Variants in CFAP43 observed in about 807,000 individuals in gnomAD.
The protein encoded by CFAP43 is cilia- and flagella-associated protein 43.
A neutral mutation model predicts 218.9 loss-of-function variants in CFAP43; 155 were observed. That is an observed-to-expected ratio of 0.71 (90% CI 0.62 to 0.81). The LOEUF is 0.81. Among genes scored for constraint, CFAP43 ranks in the 30% least tolerant of loss-of-function variants. The probability of loss-of-function intolerance (pLI) is 0.00; values close to 1 mark genes in which losing one functional copy is unlikely to be tolerated. For missense variants in CFAP43, 1,778 were observed against 1,954.3 expected (o/e 0.91, Z 1.70); for synonymous variants, 645 against 681.3 (o/e 0.95, Z 0.83).
chr10:104,185,939 C>T (rs1042872347), intron 15 of CFAP43, 35 bp downstream of exon 15: 2 of 1,592,570 alleles, frequency 1.3e-6, no homozygotes, highest in Non-Finnish European at 1.7e-6. Flanking sequence ...TCAATATATA[C>T]ACCCACAATA....
At chr10:104,164,025 G>T (rs2089017045) in intron 24 of CFAP43, 69 bp downstream of exon 24, 2 of 1,536,750 alleles carry the variant, frequency 1.3e-6, no homozygotes, top group African/African-American at 2.7e-5. Context: ...GAGTAACCAA[G>T]TTGAACAAAT....
chr10:104,215,559 G>A (rs2090990603), intron 3 of CFAP43, among the ~76,000 whole-genome samples: 2 of 152,082 alleles, frequency 1.3e-5, no homozygotes, highest in African/African-American at 2.4e-5. Context: ...AGAGACATGG[G>A]AACAAAGACT....
chr10:104,144,143 A>G (rs1443671683), intron 31 of CFAP43, among the ~76,000 whole-genome samples: 1 of 152,240 alleles, frequency 6.6e-6, no homozygotes, highest in Admixed American at 6.5e-5. Context: ...GGTTGAAACT[A>G]TATTATCATC....
intron 12 of CFAP43, among the ~76,000 whole-genome samples, chr10:104,188,758 T>C (rs2090114448): frequency 6.6e-6 from 1 of 152,130 alleles, no homozygotes; most frequent in Non-Finnish European, 1.5e-5. Flanking sequence ...TCCAGCCAGG[T>C]TACCTAATCC....
chr10:104,150,462 C>A (rs1055294912), intron 28 of CFAP43, among the ~76,000 whole-genome samples: 1 of 152,154 alleles, frequency 6.6e-6, no homozygotes, highest in African/African-American at 2.4e-5. Flanking sequence ...AATTACAACA[C>A]ATTTGCCACT....
intron 31 of CFAP43, 114 bp downstream of exon 31, chr10:104,145,362 G>T (rs976746792): frequency 8.3e-6 from 5 of 600,590 alleles, no homozygotes; most frequent in South Asian, 2.7e-5. Context: ...CCACCTAAAA[G>T]ATATTACACT....
Position 104,187,477 on chromosome 10 carries a change from G to A in CFAP43, c.1703C>T (p.Ala568Val). Residue 568 changes from alanine to valine, a missense_variant, in exon 14 of 38, where the codon GCT becomes GTT. By Grantham distance (64) the Ala-to-Val change is moderately conservative. Coordinates refer to ENST00000357060, the MANE Select transcript of CFAP43 (RefSeq NM_025145.7). ...ATCTTTCAGCCTTCCTCTTTCATCAGCAAAGGTTGTGGAAACTATTAGATT... is the reference window on the plus strand; with the variant it reads ...ATCTTTCAGCCTTCCTCTTTCATCAACAAAGGTTGTGGAAACTATTAGATT... Reference protein sequence around the residue: ...TLLPQVSTTFADERGRLKDEI... With the variant: ...TLLPQVSTTFVDERGRLKDEI... 6.3e-7 allele frequency: 1 copy of A among 1,586,378 alleles called. No individual in the cohort carries two copies. Among genetic ancestry groups the A allele is most frequent in the South Asian group, 1.2e-5 (1 of 85,406 alleles).
chr10:104,165,590 A>G (rs2089112456), intron 23 of CFAP43, among the ~76,000 whole-genome samples: 1 of 152,180 alleles, frequency 6.6e-6, no homozygotes, highest in African/African-American at 2.4e-5. Flanking sequence ...GCCAGCATTC[A>G]ATTTCAAACT....
Position 104,232,169 on chromosome 10 carries a change from G to A in CFAP43, c.65+13C>T, listed in dbSNP as rs1397800801. 1 of 1,605,924 alleles carries A rather than the reference G, an allele frequency of 6.2e-7. No homozygotes were observed. The highest frequency in any genetic ancestry group is 8.5e-7 in the Non-Finnish European group (1 of 1,176,662). ...CGAGACCCAGATCGGTCGCGGGGCC[G>A]TGAACACCGCACCTCACGGACAAGG... On this transcript the variant is annotated intron_variant, in intron 1 of 37. Coordinates refer to ENST00000357060, the MANE Select transcript of CFAP43 (RefSeq NM_025145.7).
chr10:104,224,636 C>A (rs895129892), intron 3 of CFAP43, among the ~76,000 whole-genome samples: 5 of 150,740 alleles, frequency 3.3e-5, no homozygotes, highest in African/African-American at 1.2e-4. Context: ...GTACATGTAA[C>A]CCCAGCTACT....
At chr10:104,183,047 C>T (rs964471742) in intron 16 of CFAP43, among the ~76,000 whole-genome samples, 4 of 152,178 alleles carry the variant, frequency 2.6e-5, no homozygotes, top group Admixed American at 2.0e-4. Flanking sequence ...GCTGAGCTCT[C>T]GGAATGCACC....
intron 3 of CFAP43, chr10:104,218,876 G>T: frequency 2.0e-6 from 1 of 503,416 alleles, no homozygotes. Flanking sequence ...CCTAGGAACA[G>T]CCGAGCAGCA....
chr10:104,220,576 C>CA (rs35218590), intron 3 of CFAP43, among the ~76,000 whole-genome samples: 21,104 of 147,694 alleles, frequency 0.14, 1,496 homozygotes, highest in South Asian at 0.22. Flanking sequence ...GCTATAAGAA[C>CA]AAAAAAAAAA....
intron 12 of CFAP43, among the ~76,000 whole-genome samples, chr10:104,189,018 T>C (rs2090123796): frequency 6.6e-6 from 1 of 152,160 alleles, no homozygotes; most frequent in Admixed American, 6.5e-5. Flanking sequence ...ACCTTCCCTC[T>C]TCCTTAACAA....
intron 3 of CFAP43, among the ~76,000 whole-genome samples, chr10:104,223,742 T>G (rs1488147987): frequency 6.6e-6 from 1 of 152,238 alleles, no homozygotes; most frequent in Non-Finnish European, 1.5e-5. Context: ...CAGTTTGTGA[T>G]ACTTTGTTAC....
At chr10:104,221,141 AT>A (rs751937799) in intron 3 of CFAP43, among the ~76,000 whole-genome samples, 2 of 151,984 alleles carry the variant, frequency 1.3e-5, no homozygotes, top group East Asian at 1.9e-4. Context: ...ACTCTGGCTA[AT>A]TTTTGTATTT....
At chr10:104,180,494 G>GGAGTGCA (rs2089795944) in intron 17 of CFAP43, among the ~76,000 whole-genome samples, 1 of 145,896 alleles carries the variant, frequency 6.9e-6, no homozygotes, top group Admixed American at 6.9e-5. Flanking sequence ...CACCCAGGCT[G>GGAGTGCA]GAGTGCAGTG....
intron 19 of CFAP43, 46 bp from the exon 20 acceptor site, chr10:104,172,581 C>T: frequency 3.4e-6 from 5 of 1,489,162 alleles, no homozygotes; most frequent in Non-Finnish European, 4.5e-6. Context: ...AAGAATTAAA[C>T]TGTAATAAGA....
At chr10:104,200,495 C>A (rs2090500960) in intron 8 of CFAP43, among the ~76,000 whole-genome samples, 1 of 151,788 alleles carries the variant, frequency 6.6e-6, no homozygotes, top group Non-Finnish European at 1.5e-5. Flanking sequence ...TGTGGTGAAA[C>A]CCCATCTTTA....
Sources: allele counts gnomAD v4.1 joint callset (sites outside exome capture counted in the v4.1 genomes callset), GRCh38; gene constraint gnomAD v4.1.1; transcripts MANE v1.5; gene names NCBI Gene and HGNC (gene_info 2026-07-23, HGNC 2026-07-21).